PRKACB: variants seen among roughly 807,000 people sequenced by gnomAD.
The protein encoded by PRKACB is cAMP-dependent protein kinase catalytic subunit beta.
A neutral mutation model predicts 51.4 loss-of-function variants in PRKACB; 16 were observed. The observed-to-expected ratio is 0.31, with a 90% CI of 0.21 to 0.47. PRKACB has a LOEUF of 0.47. PRKACB is among the 20% of genes least tolerant of loss of function. The pLI, the probability that PRKACB is intolerant of heterozygous loss-of-function variation, is 1.00. For missense variants in PRKACB, 309 were observed against 464.5 expected (o/e 0.67, Z 3.08); for synonymous variants, 147 against 154.4 (o/e 0.95, Z 0.35).
chr1:84,173,863 G>A (rs1381063936), intron 1 of PRKACB, among the ~76,000 whole-genome samples: 2 of 151,628 alleles, frequency 1.3e-5, no homozygotes, highest in Non-Finnish European at 2.9e-5. Context: ...TATTGCTTGT[G>A]GTTCCTAATA....
intron 5 of PRKACB, among the ~76,000 whole-genome samples, chr1:84,194,804 G>C (rs1186770757): frequency 6.6e-6 from 1 of 152,028 alleles, no homozygotes; most frequent in Admixed American, 6.6e-5. Flanking sequence ...TGGGCATGGT[G>C]GTGTGCAACT....
chr1:84,134,048 G>T (rs1320675931), intron 1 of PRKACB, among the ~76,000 whole-genome samples: 1 of 152,134 alleles, frequency 6.6e-6, no homozygotes, highest in African/African-American at 2.4e-5. Context: ...GAAAGAGGAT[G>T]GAGTGGGAAA....
At chr1:84,094,060 G>A (rs1490108563) in intron 1 of PRKACB, among the ~76,000 whole-genome samples, 1 of 151,902 alleles carries the variant, frequency 6.6e-6, no homozygotes, top group Non-Finnish European at 1.5e-5. Context: ...GACAGTGTAA[G>A]TTTTTTCCTT....
intron 8 of PRKACB, among the ~76,000 whole-genome samples, chr1:84,209,383 C>A (rs570157861): frequency 6.6e-6 from 1 of 152,130 alleles, no homozygotes; most frequent in African/African-American, 2.4e-5. Context: ...CCACCCACCC[C>A]CCTCCACGAA....
chr1:84,125,374 A>G (rs976544792), intron 1 of PRKACB, among the ~76,000 whole-genome samples: 6 of 152,190 alleles, frequency 3.9e-5, no homozygotes, highest in African/African-American at 1.4e-4. Context: ...TCCTAGCTGG[A>G]CAAGGTTCTC....
chr1:84,083,095 T>C (rs1647677645), intron 1 of PRKACB, among the ~76,000 whole-genome samples: 1 of 152,204 alleles, frequency 6.6e-6, no homozygotes, highest in African/African-American at 2.4e-5. Flanking sequence ...AGTGAATATC[T>C]TCTATTGAAA....
intron 1 of PRKACB, among the ~76,000 whole-genome samples, chr1:84,178,255 G>C (rs1043012145): frequency 2.0e-5 from 3 of 151,760 alleles, no homozygotes; most frequent in Non-Finnish European, 4.4e-5. Context: ...CACTAGTATA[G>C]TCAGGTTTTA....
At chr1:84,183,947 A>T in intron 3 of PRKACB, 90 bp from the exon 4 acceptor site, 1 of 1,310,844 alleles carries the variant, frequency 7.6e-7, no homozygotes, top group Non-Finnish European at 1.0e-6. Flanking sequence ...TGCTTATCCA[A>T]GTTTATTACT....
chr1:84,099,407 TTAAA>T (rs1278192323), intron 1 of PRKACB, among the ~76,000 whole-genome samples: 3 of 152,108 alleles, frequency 2.0e-5, no homozygotes, highest in East Asian at 1.9e-4. Context: ...ATATTTCAGT[TTAAA>T]TATGTATTTA....
At chr1:84,161,770 T>C (rs1321309429) in intron 1 of PRKACB, among the ~76,000 whole-genome samples, 1 of 151,978 alleles carries the variant, frequency 6.6e-6, no homozygotes, top group Non-Finnish European at 1.5e-5. Flanking sequence ...TTTTTTCACA[T>C]ATATTTATAT....
At chr1:84,143,864 G>GT (rs41300504), upstream of PRKACB, among the ~76,000 whole-genome samples, 990 of 150,778 alleles carry the variant, frequency 6.6e-3, 12 homozygotes, top group African/African-American at 0.02. Context: ...TTTCATACTA[G>GT]TTTTTTTTTA....
intron 1 of PRKACB, chr1:84,165,071 G>T: frequency 7.6e-7 from 1 of 1,322,066 alleles, no homozygotes; most frequent in South Asian, 1.4e-5. Context: ...TTTATAAGAG[G>T]AAAAAATATT....
intron 1 of PRKACB, among the ~76,000 whole-genome samples, chr1:84,166,285 A>T (rs1454064128): frequency 6.6e-6 from 1 of 151,720 alleles, no homozygotes; most frequent in African/African-American, 2.4e-5. Context: ...ATCAAACTGA[A>T]TATACCTGGT....
At chr1:84,094,851 G>A (rs1648804082) in intron 1 of PRKACB, among the ~76,000 whole-genome samples, 4 of 151,952 alleles carry the variant, frequency 2.6e-5, no homozygotes, top group Non-Finnish European at 5.9e-5. Flanking sequence ...TTGCAGTCAT[G>A]TGGTATGTAA....
intron 1 of PRKACB, among the ~76,000 whole-genome samples, chr1:84,108,309 A>C (rs542645887): frequency 2.2e-4 from 22 of 101,746 alleles, no homozygotes; most frequent in African/African-American, 6.4e-4. Context: ...AACAATAGAC[A>C]CTAGGATATA....
At chr1:84,104,654 G>A (rs1649595122) in intron 1 of PRKACB, among the ~76,000 whole-genome samples, 1 of 152,000 alleles carries the variant, frequency 6.6e-6, no homozygotes, top group Non-Finnish European at 1.5e-5. Context: ...TTTAACAATA[G>A]TCATTCAAAC....
At chr1:84,155,253 G>T (rs565381617) in intron 1 of PRKACB, among the ~76,000 whole-genome samples, 1 of 151,984 alleles carries the variant, frequency 6.6e-6, no homozygotes, top group Non-Finnish European at 1.5e-5. Context: ...ATGGAAAAAA[G>T]AAATCAAGAA....
intron 1 of PRKACB, among the ~76,000 whole-genome samples, chr1:84,115,415 G>T (rs1650551460): frequency 6.6e-6 from 1 of 151,650 alleles, no homozygotes; most frequent in African/African-American, 2.4e-5. Context: ...TGTATATGCT[G>T]GATATTAGTC....
intron 9 of PRKACB, among the ~76,000 whole-genome samples, chr1:84,223,382 T>G (rs1299883344): frequency 6.7e-6 from 1 of 150,118 alleles, no homozygotes; most frequent in Non-Finnish European, 1.5e-5. Flanking sequence ...TTTTTTGTTT[T>G]TTTTGAAATG....
Sources: gnomAD v4.1 joint callset for allele counts (sites outside exome capture counted in the v4.1 genomes callset) on GRCh38, gnomAD v4.1.1 for gene constraint, MANE v1.5 for transcripts, NCBI Gene and HGNC (gene_info 2026-07-23, HGNC 2026-07-21) for gene names.